NRXN1: variants seen among roughly 807,000 people sequenced by gnomAD.
The protein encoded by NRXN1 is neurexin-1.
A neutral mutation model predicts 150.9 loss-of-function variants in NRXN1; 39 were observed. The observed-to-expected ratio is 0.26, with a 90% CI of 0.20 to 0.34. NRXN1 has a LOEUF of 0.34. Ranked by LOEUF, NRXN1 falls within the 10% of genes least tolerant of loss-of-function variation. NRXN1 has a pLI of 1.00. For missense variants in NRXN1, 1,815 were observed against 1,949.9 expected (o/e 0.93, Z 1.30); for synonymous variants, 924 against 757.0 (o/e 1.22, Z -3.62).
intron 5 of NRXN1, among the ~76,000 whole-genome samples, chr2:50,659,889 A>T (rs1268426228): frequency 6.6e-6 from 1 of 152,020 alleles, no homozygotes; most frequent in African/African-American, 2.4e-5. Flanking sequence ...CTATTTTAAT[A>T]TGATTAGAGG....
intron 17 of NRXN1, among the ~76,000 whole-genome samples, chr2:50,318,830 G>A (rs952268294): frequency 6.6e-6 from 1 of 152,000 alleles, no homozygotes; most frequent in Non-Finnish European, 1.5e-5. Context: ...ATAAATAAGA[G>A]GGGCATACAC....
intron 17 of NRXN1, among the ~76,000 whole-genome samples, chr2:50,329,447 G>T (rs2076599832): frequency 6.6e-6 from 1 of 150,658 alleles, no homozygotes; most frequent in African/African-American, 2.4e-5. Flanking sequence ...GTAGTATAAA[G>T]AAACATACAG....
Position 50,520,221 on chromosome 2 carries a change from GA to G in NRXN1, c.2374+8403del, listed in dbSNP as rs1239451979. Among the ~76,000 whole-genome samples, 3 of 151,846 alleles carry G rather than the reference GA, an allele frequency of 2.0e-5. No homozygotes were observed. The East Asian group carries it at 5.8e-4, about 29-fold the overall frequency. ...GCCTCCAAATATGAATACTATTTCT[GA>G]TTAGGAACAAAATGTTGTTCTGAAA... On this transcript the variant is annotated intron_variant, in intron 12 of 22. Coordinates refer to ENST00000401669, the MANE Select transcript of NRXN1 (RefSeq NM_001330078.2).
intron 17 of NRXN1, among the ~76,000 whole-genome samples, chr2:50,313,820 T>A (rs2075371579): frequency 1.3e-5 from 2 of 152,036 alleles, no homozygotes; most frequent in African/African-American, 4.8e-5. Context: ...GAGACAAATG[T>A]CTCGTGTTTT....
At position 50,619,905 on chromosome 2, in the gene NRXN1, T is replaced by C. The variant is rs534134135; in HGVS notation, c.1320+117A>G. ...ACATAAACAATAGTAGAATATTGAA[T>C]TTAAAGTTGTGCCGTTTGACTCTGG... is the stretch of plus-strand genomic sequence containing the variant. On this transcript the variant is annotated intron_variant, in intron 8 of 22. Transcript: ENST00000401669. 3 of 889,300 alleles carry C rather than the reference T, an allele frequency of 3.4e-6. No homozygotes were observed. The South Asian group carries it at 7.8e-5, about 23-fold the overall frequency. The allele number at this position is 889,300 out of a possible 1,614,324, so 55.1% of individuals were successfully genotyped here. A position where few individuals can be genotyped will look rare whatever the true frequency, so the allele number is the denominator to read the frequency against.
At position 50,901,658 on chromosome 2, in the gene NRXN1, T is replaced by A. The variant is rs1384038303; in HGVS notation, c.832+20211A>T. Among the ~76,000 whole-genome samples the A allele has an allele frequency of 2.6e-5, 4 of 152,090 alleles. 1 individual carries two copies. The Middle Eastern group carries it at 9.5e-3, about 361-fold the overall frequency. On this transcript the variant is annotated intron_variant, in intron 5 of 22. Transcript: ENST00000401669. ...ACTTCATTAAAGGATCTCAAATAAA[T>A]CTTACAATCTTAAAAGGAAAGTTCA...
chr2:50,112,166 C>T (rs1314801378), intron 18 of NRXN1, among the ~76,000 whole-genome samples: 1 of 152,178 alleles, frequency 6.6e-6, no homozygotes, highest in East Asian at 1.9e-4. Context: ...AATTATAGGA[C>T]TTTAACCACC....
At chr2:50,051,712 C>T (rs1355510898) in intron 21 of NRXN1, among the ~76,000 whole-genome samples, 1 of 152,006 alleles carries the variant, frequency 6.6e-6, no homozygotes, top group Non-Finnish European at 1.5e-5. Flanking sequence ...AGAAAATCAA[C>T]AAAAGGATCA....
In NRXN1 at chr2:50,183,691, A is replaced by C. The variant is rs2060884938; in HGVS notation, c.3546+53098T>G. On this transcript the variant is annotated intron_variant, in intron 18 of 22. Coordinates refer to ENST00000401669, the MANE Select transcript of NRXN1 (RefSeq NM_001330078.2). ...TAGATACTATTGGCATCTAGTGTGC[A>C]AAGACCAGGGATGCTGCTAAACATT... Among the ~76,000 whole-genome samples, 3 of 150,118 alleles carry C rather than the reference A, an allele frequency of 2.0e-5. No individual in the cohort carries two copies. In the Admixed American group the frequency reaches 2.0e-4, roughly 10 times the overall value.
chr2:50,389,034 G>C (rs1021558011), intron 17 of NRXN1, among the ~76,000 whole-genome samples: 1 of 151,964 alleles, frequency 6.6e-6, no homozygotes, highest in African/African-American at 2.4e-5. Flanking sequence ...CAGGTGTGGT[G>C]GTGTGCACCT....
chr2:50,692,809 C>A (rs1181066887), intron 5 of NRXN1, among the ~76,000 whole-genome samples: 3 of 151,958 alleles, frequency 2.0e-5, no homozygotes, highest in Admixed American at 6.6e-5. Context: ...CATGTTAGTA[C>A]AACAGGAAAG....
At chr2:50,677,877 C>A (rs143969247) in intron 5 of NRXN1, among the ~76,000 whole-genome samples, 4 of 151,954 alleles carry the variant, frequency 2.6e-5, no homozygotes, top group African/African-American at 9.7e-5. Flanking sequence ...GTGCTTCCTG[C>A]AGTACAAATC....
intron 21 of NRXN1, among the ~76,000 whole-genome samples, chr2:50,033,326 A>G (rs1238087054): frequency 6.6e-6 from 1 of 152,082 alleles, no homozygotes; most frequent in Non-Finnish European, 1.5e-5. Flanking sequence ...AAGGCTGCAC[A>G]CCTACAACCA....
chr2:50,760,513 G>T (rs1204569609), intron 5 of NRXN1, among the ~76,000 whole-genome samples: 2 of 151,806 alleles, frequency 1.3e-5, no homozygotes, highest in Non-Finnish European at 2.9e-5. Flanking sequence ...ACTGGAATTT[G>T]TACAGCTGTT....
At chr2:50,924,123 G>C (rs1378637601) in intron 3 of NRXN1, among the ~76,000 whole-genome samples, 1 of 150,228 alleles carries the variant, frequency 6.7e-6, no homozygotes, top group Non-Finnish European at 1.5e-5. Flanking sequence ...ATATTTCCAA[G>C]TAACATTTTA....
chr2:50,334,209 A>ATATATATATATATATATATGTATGTATG (rs760530144), intron 17 of NRXN1, among the ~76,000 whole-genome samples: 1 of 121,480 alleles, frequency 8.2e-6, no homozygotes, highest in East Asian at 2.4e-4. Flanking sequence ...ATATATATAT[A>ATATATATATATATATATATGTATGTATG]TATGTATGTA....
At chr2:50,197,834 T>C (rs574279363) in intron 18 of NRXN1, among the ~76,000 whole-genome samples, 2 of 152,272 alleles carry the variant, frequency 1.3e-5, no homozygotes, top group Non-Finnish European at 2.9e-5. Flanking sequence ...CATTAACTAG[T>C]GGACTACAAC....
chr2:51,005,606 A>C (rs1700609776), intron 2 of NRXN1, among the ~76,000 whole-genome samples: 1 of 152,024 alleles, frequency 6.6e-6, no homozygotes, highest in Non-Finnish European at 1.5e-5. Context: ...AACATGCAAG[A>C]CTATAAAACT....
At chr2:50,775,111 C>T (rs952777798) in intron 5 of NRXN1, among the ~76,000 whole-genome samples, 3 of 152,148 alleles carry the variant, frequency 2.0e-5, no homozygotes, top group African/African-American at 7.2e-5. Context: ...TAATTTGTCT[C>T]ATGATAGCTC....
Sources: gnomAD v4.1 joint callset for allele counts (sites outside exome capture counted in the v4.1 genomes callset) on GRCh38, gnomAD v4.1.1 for gene constraint, MANE v1.5 for transcripts, NCBI Gene and HGNC (gene_info 2026-07-23, HGNC 2026-07-21) for gene names.